The following FRRS1 variants were observed in gnomAD, a reference collection of about 807,000 sequenced individuals.
FRRS1 encodes the protein ferric chelate reductase 1.
A neutral mutation model predicts 70.7 loss-of-function variants in FRRS1; 51 were observed. The ratio of observed to expected loss-of-function variants is 0.72; its 90% CI spans 0.58 to 0.91. The LOEUF (loss-of-function observed/expected upper bound fraction) is 0.91. FRRS1 is among the 40% of genes least tolerant of loss of function. The pLI is 0.00. For synonymous variants in FRRS1, 225 were observed against 238.7 expected, an observed-to-expected ratio of 0.94 and a Z score of 0.53; for missense variants, 672 against 726.0, an observed-to-expected ratio of 0.93 and a Z score of 0.86.
At position 99,728,581 on chromosome 1, in the gene FRRS1, T is replaced by G; in HGVS notation, c.918A>C (p.Arg306Ser). Residue 306 changes from arginine (R) to serine (S), a missense_variant, in exon 9 of 17, where the codon AGA (arginine) becomes AGC (serine). Physicochemically the swap from Arg to Ser is moderately radical, Grantham distance 110. Transcript: ENST00000646001. Reference sequence around the variant, plus strand: ...TAACTCCAGGAAGGGTAATGTTTCTTCTGAAAGAACACTGCATAACACCGT... The same window carrying G: ...TAACTCCAGGAAGGGTAATGTTTCTGCTGAAAGAACACTGCATAACACCGT... ...LADGVMQCSF[R>S]RNITLPGVKN... 2.5e-6 allele frequency: 4 copies of G among 1,613,942 alleles called. No individual in the cohort carries two copies. The highest frequency in any genetic ancestry group is 2.7e-5 in the African/African-American group (2 of 75,042).
chr1:99,737,423 C>T (rs1020440844), intron 7 of FRRS1, among the ~76,000 whole-genome samples: 8 of 152,146 alleles, frequency 5.3e-5, no homozygotes, highest in Admixed American at 2.6e-4. Flanking sequence ...TAGTTCTGGC[C>T]ACTTGAATAA....
chr1:99,713,698 T>G (rs1654383010), intron 12 of FRRS1, among the ~76,000 whole-genome samples: 1 of 152,242 alleles, frequency 6.6e-6, no homozygotes, highest in Non-Finnish European at 1.5e-5. Flanking sequence ...ATTCACTAAA[T>G]GTTTACTGAG....
intron 6 of FRRS1, among the ~76,000 whole-genome samples, chr1:99,740,120 A>T (rs1287116459): frequency 6.6e-6 from 1 of 152,192 alleles, no homozygotes; most frequent in African/African-American, 2.4e-5. Flanking sequence ...ATGAAATGAG[A>T]TCTAAGAGTT....
At chr1:99,754,776 A>G (rs1557707521) in intron 1 of FRRS1, among the ~76,000 whole-genome samples, 1 of 152,212 alleles carries the variant, frequency 6.6e-6, no homozygotes, top group African/African-American at 2.4e-5. Flanking sequence ...TTACAGCATT[A>G]AACACATATA....
chr1:99,728,820 T>A (rs537095797), intron 8 of FRRS1, among the ~76,000 whole-genome samples, 180 bp from the exon 9 acceptor site: 154 of 152,350 alleles, frequency 1.0e-3, no homozygotes, highest in Middle Eastern at 6.8e-3. Flanking sequence ...TTTCTCCCAG[T>A]TTATTTGTCT....
In FRRS1 at chr1:99,764,179, A is replaced by T. The variant is rs372196333; in HGVS notation, c.-106+2428T>A. ...ACATGAATCTGCATGTTAAGAAGAT[A>T]CATGCTCATGCTCCACTGAGGAATC... On this transcript the variant is annotated intron_variant, in intron 1 of 16. Transcript: ENST00000646001. Among the ~76,000 whole-genome samples, 15 of 152,344 alleles carry T rather than the reference A, an allele frequency of 9.8e-5. 1 individual carries two copies. The East Asian group carries it at 2.7e-3, about 27-fold the overall frequency.
At chr1:99,720,508 C>A (rs1654761435) in intron 9 of FRRS1, among the ~76,000 whole-genome samples, 1 of 151,850 alleles carries the variant, frequency 6.6e-6, no homozygotes, top group South Asian at 2.1e-4. Context: ...TATATATGAA[C>A]CTTTGTCTAA....
intron 8 of FRRS1, 95 bp from the exon 9 acceptor site, chr1:99,728,735 C>T (rs951212020): frequency 3.8e-6 from 4 of 1,052,692 alleles, no homozygotes; most frequent in Non-Finnish European, 5.5e-6. Flanking sequence ...TTTCCTTTCT[C>T]TAAGATCGTA....
chr1:99,721,135 C>T (rs1347050412), intron 9 of FRRS1, among the ~76,000 whole-genome samples: 1 of 152,060 alleles, frequency 6.6e-6, no homozygotes, highest in Non-Finnish European at 1.5e-5. Context: ...AATTCCAGCA[C>T]TTTGGGAGGC....
rs1654085749 is a variant in FRRS1, at chr1:99,708,257, T to C, written c.*771A>G. Among the ~76,000 whole-genome samples, 1 of 152,152 alleles carries C rather than the reference T, an allele frequency of 6.6e-6. No individual in the cohort carries two copies. The highest frequency in any genetic ancestry group is 1.5e-5 in the Non-Finnish European group (1 of 68,028). On this transcript the variant is annotated 3_prime_UTR_variant, in exon 17 of 17. Coordinates refer to ENST00000646001, the MANE Select transcript of FRRS1 (RefSeq NM_001361041.2). The stretch of plus-strand genomic sequence containing the variant: ...TCCACAGACCATTCAGATAAACTAG[T>C]AAAAATAGTTTTTCTTTAAAGTACC...
chr1:99,709,465 C>A (rs1654174117), intron 15 of FRRS1, among the ~76,000 whole-genome samples: 1 of 152,190 alleles, frequency 6.6e-6, no homozygotes, highest in South Asian at 2.1e-4. Context: ...TGTTAAATAA[C>A]TTAAAATATG....
Position 99,747,320 on chromosome 1 carries a change from G to T in FRRS1, c.307C>A (p.Gln103Lys), listed in dbSNP as rs1208343713. The change falls in exon 4 of 17, where the codon CAA becomes AAA. Residue 103 changes from glutamine to lysine, a missense_variant. Coordinates refer to ENST00000646001, the MANE Select transcript of FRRS1 (RefSeq NM_001361041.2). ...TGTATATCTTCACAGGTCAAAAGTT[G>T]TGACACTTCACTGTCAATCAATGTG... ...SFTLIDSEVS[Q>K]LLTCEDIQGS... 1.2e-6 allele frequency: 2 copies of T among 1,613,774 alleles called. 1 individual carries two copies. The highest frequency in any genetic ancestry group is 3.3e-5 in the Admixed American group (2 of 59,928).
At position 99,712,411 on chromosome 1, in the gene FRRS1, T is replaced by G. The variant is rs1025803040; in HGVS notation, c.1421+7A>C. The G allele has an allele frequency of 6.4e-7, 1 of 1,571,956 alleles. No individual in the cohort carries two copies. On this transcript the variant is annotated splice_region_variant and intron_variant, in intron 13 of 16. Coordinates refer to ENST00000646001, the MANE Select transcript of FRRS1 (RefSeq NM_001361041.2). The stretch of plus-strand genomic sequence containing the variant: ...AGAGAGCATTTATATAGAAAGGCTC[T>G]AAGTACCTTGGGTCATGTAAAGGTG...
Position 99,755,009 on chromosome 1 carries a change from A to G in FRRS1, c.-105-6008T>C, listed in dbSNP as rs563367607. 4.6e-5 allele frequency among the ~76,000 whole-genome samples: 7 copies of G among 152,240 alleles called. 1 individual carries two copies. In the East Asian group the frequency reaches 1.3e-3, roughly 29 times the overall value. On this transcript the variant is annotated intron_variant, in intron 1 of 16. Transcript: ENST00000646001. ...TAAGGAGGAGTGAAAGAAACAAATG[A>G]ACCAACCAAGAGCTTCTGAAAAATA...
Position 99,709,049 on chromosome 1 carries a change from T to TA in FRRS1, c.1757dup (p.Leu586PhefsTer20). 6.2e-7 allele frequency: 1 copy of TA among 1,613,586 alleles called. No individual in the cohort carries two copies. Among genetic ancestry groups the TA allele is most frequent in the Non-Finnish European group, 8.5e-7 (1 of 1,179,924 alleles). The stretch of plus-strand genomic sequence containing the variant: ...TTGCTCATAGATGGTTGATTGCAGA[T>TA]AAAAATATGATGAGAAAAGTAACAT... On this transcript the variant is annotated frameshift_variant, in exon 17 of 17. Transcript: ENST00000646001. LOFTEE classifies it high-confidence loss of function.
chr1:99,733,700 C>T (rs1655510556), intron 7 of FRRS1, among the ~76,000 whole-genome samples: 1 of 152,162 alleles, frequency 6.6e-6, no homozygotes, highest in African/African-American at 2.4e-5. Context: ...AAAGAAAACT[C>T]GTATTTTCAT....
At position 99,749,020 on chromosome 1, in the gene FRRS1, A is replaced by G; in HGVS notation, c.-105-19T>C. 1 of 335,954 alleles carries G rather than the reference A, an allele frequency of 3.0e-6. No individual in the cohort carries two copies. The highest frequency in any genetic ancestry group is 5.4e-6 in the Non-Finnish European group (1 of 186,154). 20.8% of individuals were successfully genotyped at this position (335,954 alleles called of 1,614,324 possible). A position where few individuals can be genotyped will look rare whatever the true frequency, so the allele number is the denominator to read the frequency against. On this transcript the variant is annotated intron_variant, in intron 1 of 16. Coordinates refer to ENST00000646001, the MANE Select transcript of FRRS1 (RefSeq NM_001361041.2). ...TCCTTACCTGAAAAATAAGGAAACA[A>G]AGATCTCTTTTCAATGCTGTTTTTT...
chr1:99,733,161 A>G (rs994229787), intron 7 of FRRS1, among the ~76,000 whole-genome samples: 4 of 152,140 alleles, frequency 2.6e-5, no homozygotes, highest in Admixed American at 2.6e-4. Context: ...GACGATCTTA[A>G]ATGTGGCTTG....
intron 12 of FRRS1, among the ~76,000 whole-genome samples, chr1:99,714,332 C>T (rs544923550): frequency 3.0e-4 from 46 of 151,758 alleles, no homozygotes; most frequent in Non-Finnish European, 5.4e-4. Flanking sequence ...GACAGGCGTG[C>T]GCCACCACGC....
Sources: allele counts gnomAD v4.1 joint callset (sites outside exome capture counted in the v4.1 genomes callset), GRCh38; gene constraint gnomAD v4.1.1; transcripts MANE v1.5; gene names NCBI Gene and HGNC (gene_info 2026-07-23, HGNC 2026-07-21).